AFG2A: variants seen among roughly 807,000 people sequenced by gnomAD.
The protein encoded by AFG2A is ATPase family gene 2 protein homolog A.
chr4:123,098,598 A>G, the AFG2A span, among the ~76,000 whole-genome samples: 2 of 152,034 alleles, frequency 1.3e-5, no homozygotes. Flanking sequence ...GACTCCACAT[A>G]TAAGCAAGAT....
chr4:122,967,705 A>G, the AFG2A span, among the ~76,000 whole-genome samples: 3 of 152,042 alleles, frequency 2.0e-5, no homozygotes, highest in Non-Finnish European at 2.9e-5. Flanking sequence ...GTCTTGCAGT[A>G]TTGCCGAGAC....
At chr4:122,957,156 G>A in the AFG2A span, among the ~76,000 whole-genome samples, 1 of 152,144 alleles carries the variant, frequency 6.6e-6, no homozygotes, top group Non-Finnish European at 1.5e-5. Flanking sequence ...AAAAAGGAAA[G>A]GGAGAAAGAA....
the AFG2A span, chr4:122,934,137 A>G: frequency 1.1e-5 from 18 of 1,613,354 alleles, no homozygotes; most frequent in Non-Finnish European, 1.5e-5. Flanking sequence ...TGTATTGTAC[A>G]TTCTATGGAC....
At chr4:123,149,298 A>G in the AFG2A span, among the ~76,000 whole-genome samples, 1 of 152,204 alleles carries the variant, frequency 6.6e-6, no homozygotes, top group Non-Finnish European at 1.5e-5. Context: ...CATAAAATTT[A>G]TAATAGGCCA....
the AFG2A span, among the ~76,000 whole-genome samples, chr4:122,999,336 G>T: frequency 6.6e-6 from 1 of 152,024 alleles, no homozygotes; most frequent in Non-Finnish European, 1.5e-5. Flanking sequence ...GTCAATTTTG[G>T]CTTTTGTTGC....
chr4:122,925,716 C>CT, the AFG2A span, among the ~76,000 whole-genome samples: 1 of 152,182 alleles, frequency 6.6e-6, no homozygotes, highest in Non-Finnish European at 1.5e-5. Flanking sequence ...TCCTGGCACT[C>CT]TAAGTCATTT....
the AFG2A span, among the ~76,000 whole-genome samples, chr4:123,001,726 A>C: frequency 6.6e-6 from 1 of 151,204 alleles, no homozygotes; most frequent in South Asian, 2.1e-4. Flanking sequence ...ACTTCCAACT[A>C]TGTGGTCAAT....
chr4:123,072,619 G>A, the AFG2A span, among the ~76,000 whole-genome samples: 19 of 152,242 alleles, frequency 1.2e-4, no homozygotes, highest in African/African-American at 4.1e-4. Flanking sequence ...AAATGTAATT[G>A]CCAGCTGTAT....
chr4:123,108,128 C>T, the AFG2A span, among the ~76,000 whole-genome samples: 1,551 of 152,312 alleles, frequency 0.01, 36 homozygotes, highest in African/African-American at 0.035. Context: ...CCCAGTGCAG[C>T]GGGCGTCCTC....
the AFG2A span, among the ~76,000 whole-genome samples, chr4:123,266,812 CCTAA>C: frequency 2.0e-5 from 3 of 151,664 alleles, no homozygotes; most frequent in African/African-American, 7.3e-5. Context: ...ATAGCTTATT[CCTAA>C]CTTTTTTTAC....
chr4:123,258,083 T>C, the AFG2A span, among the ~76,000 whole-genome samples: 8 of 152,200 alleles, frequency 5.3e-5, no homozygotes, highest in Non-Finnish European at 1.0e-4. Flanking sequence ...CCTCAAATTA[T>C]ATTGTTGTGT....
At chr4:123,103,513 TA>T in the AFG2A span, among the ~76,000 whole-genome samples, 1 of 152,092 alleles carries the variant, frequency 6.6e-6, no homozygotes, top group Non-Finnish European at 1.5e-5. Context: ...TGTTCTTTCT[TA>T]AAAAAATTAT....
the AFG2A span, among the ~76,000 whole-genome samples, chr4:123,296,161 A>G: frequency 6.6e-6 from 1 of 151,628 alleles, no homozygotes; most frequent in South Asian, 2.1e-4. Context: ...AGCAATACCT[A>G]TGAAGTACTT....
At chr4:123,110,901 C>G in the AFG2A span, among the ~76,000 whole-genome samples, 15 of 152,284 alleles carry the variant, frequency 9.9e-5, no homozygotes, top group South Asian at 6.2e-4. Flanking sequence ...TATCCCGTAG[C>G]ATGTCATTTT....
chr4:123,115,049 C>T, the AFG2A span, among the ~76,000 whole-genome samples: 2 of 152,194 alleles, frequency 1.3e-5, no homozygotes, highest in Non-Finnish European at 2.9e-5. Context: ...ACACAGGAGA[C>T]TGTTGCCACT....
the AFG2A span, among the ~76,000 whole-genome samples, chr4:123,262,939 G>C: frequency 6.6e-6 from 1 of 152,166 alleles, no homozygotes; most frequent in Non-Finnish European, 1.5e-5. Flanking sequence ...TTGATGGGCA[G>C]ATGGAAAGGC....
At chr4:123,138,044 C>T in the AFG2A span, among the ~76,000 whole-genome samples, 1 of 152,304 alleles carries the variant, frequency 6.6e-6, no homozygotes, top group East Asian at 1.9e-4. Context: ...TTTTAGCCCA[C>T]ACTTCTCTTA....
chr4:123,315,128 A>G, the AFG2A span: 1 of 151,214 alleles, frequency 6.6e-6, no homozygotes, highest in African/African-American at 2.4e-5. Context: ...GTTTTTACTT[A>G]TACATATTTT....
At chr4:123,188,206 C>T in the AFG2A span, among the ~76,000 whole-genome samples, 1 of 151,760 alleles carries the variant, frequency 6.6e-6, no homozygotes, top group Non-Finnish European at 1.5e-5. Context: ...TTTAGTATTG[C>T]CTCCTTAATA....
Sources: gnomAD v4.1 joint callset for allele counts (sites outside exome capture counted in the v4.1 genomes callset) on GRCh38, gnomAD v4.1.1 for gene constraint, MANE v1.5 for transcripts, NCBI Gene and HGNC (gene_info 2026-07-23, HGNC 2026-07-21) for gene names.